The following CDYL2 variants were observed in gnomAD, a reference collection of about 807,000 sequenced individuals.
CDYL2 encodes chromodomain Y like 2.
Under a neutral mutation model 49.4 loss-of-function variants are expected in CDYL2, and 23 were observed. That is an observed-to-expected ratio of 0.47 (90% confidence interval 0.34 to 0.66). The LOEUF is 0.66. CDYL2 is among the 30% of genes least tolerant of loss of function. The pLI, the probability that CDYL2 is intolerant of heterozygous loss-of-function variation, is 0.01. For missense variants in CDYL2, 678 were observed against 656.4 expected (o/e 1.03, Z -0.36); for synonymous variants, 360 against 268.8 (o/e 1.34, Z -3.32).
intron 3 of CDYL2, among the ~76,000 whole-genome samples, chr16:80,626,911 G>A (rs1006842015): frequency 1.1e-4 from 16 of 152,186 alleles, no homozygotes; most frequent in African/African-American, 3.6e-4. Context: ...CCTTGCAAGT[G>A]ACACCATGAA....
intron 1 of CDYL2, among the ~76,000 whole-genome samples, chr16:80,781,977 A>T (rs995171853): frequency 6.6e-6 from 1 of 152,030 alleles, no homozygotes; most frequent in Non-Finnish European, 1.5e-5. Context: ...ACCTAACTGC[A>T]TATCTTGAGT....
chr16:80,773,899 G>C (rs1287654508), intron 1 of CDYL2, among the ~76,000 whole-genome samples: 1 of 151,986 alleles, frequency 6.6e-6, no homozygotes, highest in African/African-American at 2.4e-5. Flanking sequence ...AAAGTAGAAT[G>C]AAGAAAATAA....
At chr16:80,629,118 C>G (rs1432352745) in intron 3 of CDYL2, among the ~76,000 whole-genome samples, 2 of 152,150 alleles carry the variant, frequency 1.3e-5, no homozygotes, top group Admixed American at 1.3e-4. Context: ...GCTGAGGGTT[C>G]TGACTGTCAG....
intron 1 of CDYL2, among the ~76,000 whole-genome samples, chr16:80,763,476 G>C (rs1207952692): frequency 6.6e-6 from 1 of 151,950 alleles, no homozygotes; most frequent in African/African-American, 2.4e-5. Context: ...GCCAGGCATG[G>C]TGGCAGGCAC....
intron 3 of CDYL2, among the ~76,000 whole-genome samples, chr16:80,626,843 T>A (rs1370074152): frequency 6.6e-6 from 1 of 152,152 alleles, no homozygotes; most frequent in East Asian, 1.9e-4. Context: ...GTGCCAGGAA[T>A]TGCACCAGGA....
At chr16:80,709,381 CAAA>C (rs11412766) in intron 1 of CDYL2, among the ~76,000 whole-genome samples, 4 of 93,984 alleles carry the variant, frequency 4.3e-5, no homozygotes, top group Non-Finnish European at 5.2e-5. Context: ...GACTCCATTT[CAAA>C]AAAAAAAAAA....
chr16:80,648,729 C>T lies in CDYL2; in HGVS notation c.617-15493G>A, dbSNP rs577420227. ...GAAAACTACTGGCCAGCATCTCTCA[C>T]GAGCACTGATGCAAAAATCCTCAAC... is the stretch of plus-strand genomic sequence containing the variant. On this transcript the variant is annotated intron_variant, in intron 2 of 6. Transcript: ENST00000570137. 4.6e-5 allele frequency among the ~76,000 whole-genome samples: 7 copies of T among 151,120 alleles called. No homozygotes were observed. The East Asian group carries it at 7.7e-4, about 17-fold the overall frequency.
chr16:80,631,160 T>C (rs60992426), intron 3 of CDYL2, among the ~76,000 whole-genome samples: 24,807 of 152,202 alleles, frequency 0.16, 2,451 homozygotes, highest in Admixed American at 0.3. Flanking sequence ...TGTGAGACCC[T>C]AGCCCAGTTG....
intron 1 of CDYL2, among the ~76,000 whole-genome samples, chr16:80,685,644 T>C (rs1219483700): frequency 1.3e-5 from 2 of 152,180 alleles, no homozygotes; most frequent in Non-Finnish European, 2.9e-5. Context: ...AGCCAGACAC[T>C]ATACTAAATG....
intron 2 of CDYL2, among the ~76,000 whole-genome samples, chr16:80,683,667 C>T (rs2142473410): frequency 6.6e-6 from 1 of 152,318 alleles, no homozygotes; most frequent in East Asian, 1.9e-4. Context: ...AGCCACAACA[C>T]AGTCACAGCA....
At chr16:80,682,498 G>C (rs1372520307) in intron 2 of CDYL2, among the ~76,000 whole-genome samples, 1 of 152,170 alleles carries the variant, frequency 6.6e-6, no homozygotes, top group Non-Finnish European at 1.5e-5. Flanking sequence ...CACCGCAGAA[G>C]ATTGCACAGC....
chr16:80,730,824 G>A (rs1427267017), intron 1 of CDYL2, among the ~76,000 whole-genome samples: 2 of 152,152 alleles, frequency 1.3e-5, no homozygotes, highest in Non-Finnish European at 2.9e-5. Context: ...GAATCTCAGA[G>A]TAATTATACT....
At chr16:80,724,167 A>T (rs1905090612) in intron 1 of CDYL2, among the ~76,000 whole-genome samples, 1 of 148,844 alleles carries the variant, frequency 6.7e-6, no homozygotes, top group Admixed American at 6.7e-5. Context: ...GAAGAGGAGG[A>T]GGAGACAAAG....
intron 1 of CDYL2, among the ~76,000 whole-genome samples, chr16:80,704,160 C>T (rs981033579): frequency 3.3e-5 from 5 of 152,150 alleles, no homozygotes; most frequent in South Asian, 2.1e-4. Context: ...TCTTTCCTTT[C>T]GCACCCTCAT....
At chr16:80,776,880 C>T (rs936198291) in intron 1 of CDYL2, among the ~76,000 whole-genome samples, 1 of 151,700 alleles carries the variant, frequency 6.6e-6, no homozygotes, top group African/African-American at 2.4e-5. Flanking sequence ...TGCAATGGCA[C>T]GATCTCGACT....
intron 1 of CDYL2, among the ~76,000 whole-genome samples, chr16:80,792,438 A>C (rs1186729808): frequency 6.6e-6 from 1 of 152,218 alleles, no homozygotes; most frequent in Non-Finnish European, 1.5e-5. Context: ...TTACCTATAC[A>C]TGATCCTGTG....
rs1034809906 is a variant in CDYL2 at position 80,597,991 on chromosome 16, G to C, written c.*6397C>G. 2.6e-5 allele frequency: 4 copies of C among 152,086 alleles called. No homozygotes were observed. Among genetic ancestry groups the C allele is most frequent in the African/African-American group, 9.7e-5 (4 of 41,398 alleles). 9.4% of individuals were successfully genotyped at this position (152,086 alleles called of 1,614,324 possible). A position where few individuals can be genotyped will look rare whatever the true frequency, so the allele number is the denominator to read the frequency against. ...ACACATGAAAAATACAACTTCTAAG[G>C]CACCCAGAAATGTGTTCATACACGT... On this transcript the variant is annotated 3_prime_UTR_variant, in exon 7 of 7. Transcript: ENST00000570137.
chr16:80,715,525 G>A (rs1904768669), intron 1 of CDYL2, among the ~76,000 whole-genome samples: 1 of 152,062 alleles, frequency 6.6e-6, no homozygotes. Flanking sequence ...GCCCTGCTGT[G>A]GGACACCAGC....
chr16:80,755,564 G>C (rs1353166270), intron 1 of CDYL2, among the ~76,000 whole-genome samples: 1 of 152,162 alleles, frequency 6.6e-6, no homozygotes, highest in East Asian at 1.9e-4. Flanking sequence ...CCTTTGACCT[G>C]CTCATTTTGC....
Sources: allele counts gnomAD v4.1 joint callset (sites outside exome capture counted in the v4.1 genomes callset), GRCh38; gene constraint gnomAD v4.1.1; transcripts MANE v1.5; gene names NCBI Gene and HGNC (gene_info 2026-07-23, HGNC 2026-07-21).